OSBP2: variants seen among roughly 807,000 people sequenced by gnomAD.
OSBP2 encodes oxysterol-binding protein 2.
A neutral mutation model predicts 96.0 loss-of-function variants in OSBP2; 66 were observed. The ratio of observed to expected loss-of-function variants is 0.69; its 90% CI spans 0.56 to 0.84. The LOEUF (loss-of-function observed/expected upper bound fraction) is 0.84, where lower values mean the gene tolerates loss of function less well. Ranked by LOEUF, OSBP2 falls within the 40% of genes least tolerant of loss-of-function variation. The pLI is 0.00. For synonymous variants in OSBP2, 525 were observed against 520.9 expected (o/e 1.01, Z -0.11); for missense variants, 1,038 against 1,222.7 (o/e 0.85, Z 2.25).
chr22:30,786,134 C>G (rs182923664), intron 2 of OSBP2, among the ~76,000 whole-genome samples: 1 of 152,066 alleles, frequency 6.6e-6, no homozygotes, highest in Non-Finnish European at 1.5e-5. Flanking sequence ...AGCAATTCTC[C>G]TGTCTCAACC....
At chr22:30,832,493 G>T (rs1441883397) in intron 2 of OSBP2, among the ~76,000 whole-genome samples, 1 of 151,750 alleles carries the variant, frequency 6.6e-6, no homozygotes, top group Non-Finnish European at 1.5e-5. Context: ...GTTTTGCTAT[G>T]TTGCCCAGGC....
chr22:30,822,439 C>A, intron 2 of OSBP2: 1 of 1,103,448 alleles, frequency 9.1e-7, no homozygotes, highest in Non-Finnish European at 1.2e-6. Context: ...TCCCGCGGCG[C>A]GGACGGGGTT....
chr22:30,901,289 A>C (rs1405073779), intron 12 of OSBP2, among the ~76,000 whole-genome samples: 3 of 152,068 alleles, frequency 2.0e-5, no homozygotes, highest in Admixed American at 6.5e-5. Flanking sequence ...GGCTGGTCTC[A>C]AATTCCTGAC....
chr22:30,837,907 C>A (rs1423977101), intron 2 of OSBP2, among the ~76,000 whole-genome samples: 7 of 152,184 alleles, frequency 4.6e-5, no homozygotes, highest in Admixed American at 1.3e-4. Flanking sequence ...TTTCCAAGCT[C>A]ACATGTGCTT....
intron 1 of OSBP2, among the ~76,000 whole-genome samples, chr22:30,714,450 TTAC>T (rs888042156): frequency 6.6e-6 from 1 of 152,116 alleles, no homozygotes; most frequent in Non-Finnish European, 1.5e-5. Flanking sequence ...AACGTAAAAT[TTAC>T]TATCTTAACT....
At chr22:30,816,747 T>G (rs2091088732) in intron 2 of OSBP2, among the ~76,000 whole-genome samples, 1 of 152,158 alleles carries the variant, frequency 6.6e-6, no homozygotes, top group Non-Finnish European at 1.5e-5. Context: ...TTCTTTTCCT[T>G]TTCTTTTTTG....
intron 1 of OSBP2, among the ~76,000 whole-genome samples, chr22:30,737,798 T>G (rs2145734163): frequency 6.6e-6 from 1 of 151,710 alleles, no homozygotes; most frequent in South Asian, 2.1e-4. Context: ...CCACAACCTC[T>G]GCCTCCAGGA....
chr22:30,834,084 C>T (rs896610616), intron 2 of OSBP2, among the ~76,000 whole-genome samples: 9 of 151,842 alleles, frequency 5.9e-5, no homozygotes, highest in Non-Finnish European at 1.3e-4. Context: ...GGGTCTTGCT[C>T]TGCTGCCCAC....
At chr22:30,794,262 A>ATTTT (rs136291) in intron 2 of OSBP2, among the ~76,000 whole-genome samples, 1 of 134,904 alleles carries the variant, frequency 7.4e-6, no homozygotes, top group Non-Finnish European at 1.6e-5. Context: ...TCCTCTATTC[A>ATTTT]TTTTTTTTTT....
chr22:30,776,556 A>T (rs1196859062), intron 2 of OSBP2, among the ~76,000 whole-genome samples: 1 of 151,378 alleles, frequency 6.6e-6, no homozygotes, highest in Non-Finnish European at 1.5e-5. Flanking sequence ...CTCTACTATC[A>T]ACAGAAGGCA....
rs139870798 is a variant in OSBP2, at chr22:30,793,729, G to A, written c.853+52360G>A. 2.0e-4 allele frequency among the ~76,000 whole-genome samples: 31 copies of A among 152,246 alleles called. No homozygotes were observed. In the East Asian group the frequency reaches 5.8e-3, roughly 28 times the overall value. On this transcript the variant is annotated intron_variant, in intron 2 of 13. Transcript: ENST00000332585. ...TAAAAAATTAGACCCACGTGGTGGT[G>A]CACACCTATAGTCCTAGTCATTTGG...
chr22:30,834,816 CTTTT>C (rs923598131), intron 2 of OSBP2, among the ~76,000 whole-genome samples: 2 of 138,802 alleles, frequency 1.4e-5, no homozygotes, highest in Non-Finnish European at 3.2e-5. Flanking sequence ...CTTTTCTTTT[CTTTT>C]TTTTTTCTTT....
At chr22:30,839,690 G>T (rs2038707930) in intron 2 of OSBP2, among the ~76,000 whole-genome samples, 1 of 150,324 alleles carries the variant, frequency 6.7e-6, no homozygotes, top group Non-Finnish European at 1.5e-5. Context: ...TTTTGATGGG[G>T]TTGTTTTTTT....
intron 2 of OSBP2, among the ~76,000 whole-genome samples, chr22:30,771,806 G>A (rs139788374): frequency 1.3e-5 from 2 of 152,320 alleles, no homozygotes; most frequent in Non-Finnish European, 2.9e-5. Flanking sequence ...AGGTGGGAAG[G>A]GCTCAGGCTT....
chr22:30,851,801 G>C (rs992226448), intron 2 of OSBP2, among the ~76,000 whole-genome samples: 2 of 152,108 alleles, frequency 1.3e-5, no homozygotes, highest in African/African-American at 4.8e-5. Context: ...GATTTTTATA[G>C]ATGCCTTTTA....
chr22:30,828,747 A>G (rs1339533007), intron 2 of OSBP2, among the ~76,000 whole-genome samples: 3 of 152,194 alleles, frequency 2.0e-5, no homozygotes, highest in Non-Finnish European at 4.4e-5. Context: ...GGGCAGGCCT[A>G]CAGGTAGAGA....
intron 2 of OSBP2, among the ~76,000 whole-genome samples, chr22:30,760,714 G>T (rs540868730): frequency 3.6e-4 from 55 of 152,176 alleles, no homozygotes; most frequent in African/African-American, 1.3e-3. Context: ...TACTTAGGAG[G>T]CTGAGTCAGG....
intron 2 of OSBP2, among the ~76,000 whole-genome samples, chr22:30,832,274 TTTTC>T (rs1224456351): frequency 1.3e-5 from 2 of 152,102 alleles, no homozygotes; most frequent in Admixed American, 6.5e-5. Context: ...ATGCAGTTAA[TTTTC>T]TTTTTCTTTT....
At position 30,893,252 on chromosome 22, in the gene OSBP2, G is replaced by A. The variant is rs925136135; in HGVS notation, c.1990+10G>A. The stretch of plus-strand genomic sequence containing the variant: ...TCCATCATGCCGCTAGGTGAGCTGG[G>A]GCCCGGTGCCTTCCTGGGACACAGA... On this transcript the variant is annotated intron_variant, in intron 9 of 13. Coordinates refer to ENST00000332585, the MANE Select transcript of OSBP2 (RefSeq NM_030758.4). 1.2e-6 allele frequency: 2 copies of A among 1,614,002 alleles called. No homozygotes were observed. Among genetic ancestry groups the A allele is most frequent in the Non-Finnish European group, 1.7e-6 (2 of 1,179,954 alleles).
Sources: gnomAD v4.1 joint callset for allele counts (sites outside exome capture counted in the v4.1 genomes callset) on GRCh38, gnomAD v4.1.1 for gene constraint, MANE v1.5 for transcripts, NCBI Gene and HGNC (gene_info 2026-07-23, HGNC 2026-07-21) for gene names.